The following DYNC1I1 variants were observed in gnomAD, a reference collection of about 807,000 sequenced individuals.
DYNC1I1 encodes the protein dynein cytoplasmic 1 intermediate chain 1.
DYNC1I1 carries 43 observed loss-of-function variants against 86.6 expected under a neutral mutation model. The observed-to-expected ratio is 0.50, with a 90% CI of 0.39 to 0.64. The LOEUF is 0.64. Ranked by LOEUF, DYNC1I1 falls within the 30% of genes least tolerant of loss-of-function variation. DYNC1I1 has a pLI of 0.00. For synonymous variants in DYNC1I1, 262 were observed against 283.7 expected (o/e 0.92, Z 0.77); for missense variants, 604 against 788.8 (o/e 0.77, Z 2.81).
intron 6 of DYNC1I1, among the ~76,000 whole-genome samples, chr7:95,955,140 A>G (rs319343): frequency 0.8 from 122,289 of 152,030 alleles, 49,498 homozygotes; most frequent in East Asian, 0.92. Flanking sequence ...CCAGGCATTC[A>G]TGCTGGTTTT....
intron 16 of DYNC1I1, among the ~76,000 whole-genome samples, chr7:96,107,875 T>TG (rs1334066793): frequency 1.3e-5 from 2 of 149,780 alleles, no homozygotes; most frequent in Non-Finnish European, 3.0e-5. Context: ...ACAGGTTTTT[T>TG]TTTTTTTTTT....
intron 14 of DYNC1I1, among the ~76,000 whole-genome samples, chr7:96,046,872 G>C (rs1184028181): frequency 6.6e-6 from 1 of 152,144 alleles, no homozygotes; most frequent in African/African-American, 2.4e-5. Context: ...GTTAGAGGTA[G>C]GAAATCAGTG....
At chr7:95,986,703 T>G (rs1793604291) in intron 8 of DYNC1I1, among the ~76,000 whole-genome samples, 1 of 151,956 alleles carries the variant, frequency 6.6e-6, no homozygotes, top group Non-Finnish European at 1.5e-5. Flanking sequence ...GCTCCCTTGA[T>G]AGCAGAGATT....
chr7:95,851,096 G>A (rs1789565612), intron 5 of DYNC1I1, among the ~76,000 whole-genome samples: 1 of 122,626 alleles, frequency 8.2e-6, no homozygotes, highest in Non-Finnish European at 2.0e-5. Context: ...CTACACACCT[G>A]GCTAATTTTT....
chr7:95,826,515 A>G (rs1185530865), intron 4 of DYNC1I1, among the ~76,000 whole-genome samples: 1 of 152,194 alleles, frequency 6.6e-6, no homozygotes, highest in African/African-American at 2.4e-5. Context: ...CAAATATCGT[A>G]TTATATAAGC....
At chr7:96,036,997 G>A (rs1037257026) in intron 13 of DYNC1I1, among the ~76,000 whole-genome samples, 9 of 152,150 alleles carry the variant, frequency 5.9e-5, no homozygotes, top group African/African-American at 1.4e-4. Flanking sequence ...GCACTCATCC[G>A]AGGCTATTAA....
chr7:95,942,187 A>T (rs1163736673), intron 6 of DYNC1I1, among the ~76,000 whole-genome samples: 1 of 152,156 alleles, frequency 6.6e-6, no homozygotes, highest in Non-Finnish European at 1.5e-5. Flanking sequence ...TGATAAAGGG[A>T]ATATCACCAC....
intron 10 of DYNC1I1, among the ~76,000 whole-genome samples, chr7:96,017,211 A>C (rs1401206385): frequency 6.6e-6 from 1 of 152,202 alleles, no homozygotes; most frequent in Non-Finnish European, 1.5e-5. Context: ...CTTTCTTTTA[A>C]TTAAGCAGGA....
At chr7:95,867,559 A>G (rs146709098) in intron 5 of DYNC1I1, among the ~76,000 whole-genome samples, 144 of 152,300 alleles carry the variant, frequency 9.5e-4, no homozygotes, top group African/African-American at 3.2e-3. Context: ...ATCAAATTAC[A>G]CATCAGCCTC....
chr7:95,921,074 G>C (rs1484328427), intron 6 of DYNC1I1, among the ~76,000 whole-genome samples: 1 of 152,106 alleles, frequency 6.6e-6, no homozygotes, highest in East Asian at 1.9e-4. Context: ...TAATGTTACA[G>C]CTATGTTCAT....
chr7:95,942,509 C>T (rs1365192980), intron 6 of DYNC1I1, among the ~76,000 whole-genome samples: 10 of 152,210 alleles, frequency 6.6e-5, no homozygotes, highest in African/African-American at 2.4e-4. Context: ...GGAATCCTCC[C>T]TAACTCATTT....
At chr7:96,027,561 T>C (rs1342889974) in intron 10 of DYNC1I1, among the ~76,000 whole-genome samples, 4 of 152,076 alleles carry the variant, frequency 2.6e-5, no homozygotes, top group Non-Finnish European at 5.9e-5. Flanking sequence ...ACATTAAGAA[T>C]TTTCTGAAGT....
intron 5 of DYNC1I1, among the ~76,000 whole-genome samples, chr7:95,848,770 A>T (rs1789502102): frequency 6.6e-6 from 1 of 151,988 alleles, no homozygotes; most frequent in South Asian, 2.1e-4. Flanking sequence ...GATCATACAG[A>T]AGTTCTATTT....
At position 96,098,222 on chromosome 7, in the gene DYNC1I1, G is replaced by T; in HGVS notation, c.*629G>T. The T allele has an allele frequency of 2.0e-6, 2 of 985,882 alleles. No homozygotes were observed. Among genetic ancestry groups the T allele is most frequent in the Non-Finnish European group, 2.4e-6 (2 of 829,942 alleles). 61.1% of individuals were successfully genotyped at this position (985,882 alleles called of 1,614,324 possible). A position where few individuals can be genotyped will look rare whatever the true frequency, so the allele number is the denominator to read the frequency against. On this transcript the variant is annotated 3_prime_UTR_variant, in exon 17 of 17. Transcript: ENST00000447467. ...AAGTTCCACATAGCAATTACAGTAT[G>T]CCAGTTCCACTGAAGACATGAAATC...
intron 6 of DYNC1I1, among the ~76,000 whole-genome samples, chr7:95,941,652 G>A (rs967433835): frequency 6.6e-6 from 1 of 152,198 alleles, no homozygotes; most frequent in Non-Finnish European, 1.5e-5. Context: ...TAAGCCCGTT[G>A]GAAAAGCGCA....
chr7:95,971,765 C>T (rs1793176686), intron 6 of DYNC1I1, among the ~76,000 whole-genome samples: 1 of 152,148 alleles, frequency 6.6e-6, no homozygotes, highest in African/African-American at 2.4e-5. Flanking sequence ...GTGCATCTTG[C>T]AGTCATTGGC....
intron 4 of DYNC1I1, among the ~76,000 whole-genome samples, chr7:95,822,969 G>A (rs1385117612): frequency 1.3e-5 from 2 of 152,154 alleles, no homozygotes; most frequent in Non-Finnish European, 2.9e-5. Context: ...GGCAGGGGAA[G>A]CTGTCGTAGT....
chr7:95,890,501 G>T (rs745794646), intron 6 of DYNC1I1, among the ~76,000 whole-genome samples: 8 of 152,240 alleles, frequency 5.3e-5, no homozygotes, highest in Non-Finnish European at 8.8e-5. Context: ...CTTGGTACCT[G>T]AGTGAGAAAG....
At chr7:96,005,945 T>C (rs138929318) in intron 10 of DYNC1I1, among the ~76,000 whole-genome samples, 1 of 152,302 alleles carries the variant, frequency 6.6e-6, no homozygotes, top group East Asian at 1.9e-4. Context: ...ACTGTAGCTT[T>C]TAATGGCTAA....
Sources: gnomAD v4.1 joint callset for allele counts (sites outside exome capture counted in the v4.1 genomes callset) on GRCh38, gnomAD v4.1.1 for gene constraint, MANE v1.5 for transcripts, NCBI Gene and HGNC (gene_info 2026-07-23, HGNC 2026-07-21) for gene names.